KCNK2: variants seen among roughly 807,000 people sequenced by gnomAD.
KCNK2 encodes potassium channel subfamily K member 2.
A neutral mutation model predicts 40.5 loss-of-function variants in KCNK2; 21 were observed. The ratio of observed to expected loss-of-function variants is 0.52; its 90% CI spans 0.37 to 0.75. KCNK2 has a LOEUF of 0.75. KCNK2 is among the 30% of genes least tolerant of loss of function. The pLI, the probability that KCNK2 is intolerant of heterozygous loss-of-function variation, is 0.00. For missense variants in KCNK2, 399 were observed against 531.6 expected, an observed-to-expected ratio of 0.75 and a Z score of 2.45; for synonymous variants, 191 against 202.2, an observed-to-expected ratio of 0.94 and a Z score of 0.47.
chr1:215,202,988 C>T (rs1263095061), intron 6 of KCNK2, among the ~76,000 whole-genome samples: 2 of 151,954 alleles, frequency 1.3e-5, no homozygotes, highest in Non-Finnish European at 2.9e-5. Context: ...CCCATCCTCC[C>T]CCATTCTTCT....
At chr1:215,099,130 C>A (rs368320336) in intron 2 of KCNK2, among the ~76,000 whole-genome samples, 6 of 151,932 alleles carry the variant, frequency 3.9e-5, no homozygotes, top group Admixed American at 6.6e-5. Context: ...AAGCCTAGTA[C>A]CTGTTAGTTA....
At chr1:215,128,641 T>C (rs1661542163) in intron 3 of KCNK2, among the ~76,000 whole-genome samples, 1 of 152,150 alleles carries the variant, frequency 6.6e-6, no homozygotes, top group African/African-American at 2.4e-5. Flanking sequence ...GGATTTGAAC[T>C]GTGACTTGAA....
intron 3 of KCNK2, among the ~76,000 whole-genome samples, chr1:215,144,354 C>T (rs776526549): frequency 6.6e-6 from 1 of 152,110 alleles, no homozygotes; most frequent in Non-Finnish European, 1.5e-5. Context: ...AATGACCCAA[C>T]TTCAGCTGTC....
At position 215,007,315 on chromosome 1, in the gene KCNK2, AGGG is replaced by A. The variant is rs111288243; in HGVS notation, c.34+1361_34+1363del. ...AGCACTTCTGGAGCCCCCTTTGCTG[AGGG>A]TTGATGGGTTGGACAAGACACTGGC... On this transcript the variant is annotated intron_variant, in intron 1 of 6. Coordinates refer to the KCNK2 transcript ENST00000391895. Among the ~76,000 whole-genome samples the A allele has an allele frequency of 9.1e-3, 1,331 of 145,668 alleles. 18 individuals are homozygous for A. Among genetic ancestry groups the A allele is most frequent in the African/African-American group, 0.032 (1,254 of 39,002 alleles).
At chr1:215,089,167 C>A (rs576193447) in intron 2 of KCNK2, among the ~76,000 whole-genome samples, 1 of 152,142 alleles carries the variant, frequency 6.6e-6, no homozygotes, top group Non-Finnish European at 1.5e-5. Flanking sequence ...CCCATTTAAT[C>A]ATCCCTTAAA....
chr1:215,209,403 AT>A (rs1163072572), intron 6 of KCNK2, among the ~76,000 whole-genome samples: 1 of 62,278 alleles, frequency 1.6e-5, no homozygotes, highest in Non-Finnish European at 2.7e-5. Flanking sequence ...TATATATAAA[AT>A]ATGCATATAT....
rs115297653 is a variant in KCNK2 at position 215,147,462 on chromosome 1, G to A, written c.476-21737G>A. Among the ~76,000 whole-genome samples the A allele has an allele frequency of 1.9e-3, 294 of 152,286 alleles. 1 individual carries two copies. Among genetic ancestry groups the A allele is most frequent in the Middle Eastern group, 0.014 (4 of 294 alleles). On this transcript the variant is annotated intron_variant, in intron 3 of 6. Coordinates refer to ENST00000444842, the MANE Select transcript of KCNK2 (RefSeq NM_001017425.3). ...CTTGTAATTAGAATCATATTTTTCT[G>A]GAATCATATTTCTTCTTCAGTGTTT...
Position 215,086,456 on chromosome 1 carries a change from T to G in KCNK2, c.135T>G (p.Ala45=). The G allele has an allele frequency of 6.2e-7, 1 of 1,614,148 alleles. No individual in the cohort carries two copies. Among genetic ancestry groups the G allele is most frequent in the Non-Finnish European group, 8.5e-7 (1 of 1,179,998 alleles). The change falls in exon 2 of 7, where the codon GCT becomes GCG. Residue 45 remains alanine, a synonymous_variant. Coordinates refer to ENST00000444842, the MANE Select transcript of KCNK2 (RefSeq NM_001017425.3). ...TTTCCACGAAACCCACAGTGCTTGC[T>G]TCCCGGGTGGAGAGTGACACGACCA... is the stretch of plus-strand genomic sequence containing the variant. ...LSFSTKPTVL[A]SRVESDTTIN...
intron 3 of KCNK2, among the ~76,000 whole-genome samples, chr1:215,153,672 G>T (rs1244502751): frequency 6.6e-6 from 1 of 151,590 alleles, no homozygotes; most frequent in Non-Finnish European, 1.5e-5. Flanking sequence ...GAACGTGCAG[G>T]TTCGTTACAT....
intron 2 of KCNK2, among the ~76,000 whole-genome samples, chr1:215,087,825 T>C (rs1385250926): frequency 6.6e-6 from 1 of 152,178 alleles, no homozygotes; most frequent in African/African-American, 2.4e-5. Flanking sequence ...TTGCCATGGA[T>C]CTCAAGATAC....
intron 1 of KCNK2, among the ~76,000 whole-genome samples, chr1:215,065,674 T>C (rs1658514098): frequency 6.6e-6 from 1 of 152,216 alleles, no homozygotes; most frequent in Non-Finnish European, 1.5e-5. Flanking sequence ...CAAGTCTCTC[T>C]AAGTCAGTGC....
rs115931476 is a variant in KCNK2 at position 215,216,519 on chromosome 1, G to A, written c.964-18309G>A. 8.7e-3 allele frequency among the ~76,000 whole-genome samples: 1,293 copies of A among 148,600 alleles called. 17 individuals carry two copies. The highest frequency in any genetic ancestry group is 0.029 in the African/African-American group (1,203 of 40,798). On this transcript the variant is annotated intron_variant, in intron 6 of 6. Transcript: ENST00000444842. ...CTATTATATATGCTATATGTTACTT[G>A]TATGTTATATATGTTATATATCATA...
chr1:215,015,919 C>T (rs1656570730), intron 1 of KCNK2, among the ~76,000 whole-genome samples: 1 of 152,156 alleles, frequency 6.6e-6, no homozygotes, highest in South Asian at 2.1e-4. Context: ...TTGGAAACCT[C>T]TCCATTAAGT....
At chr1:215,226,670 G>A (rs12567503) in intron 6 of KCNK2, among the ~76,000 whole-genome samples, 26,219 of 152,090 alleles carry the variant, frequency 0.17, 2,376 homozygotes, top group Middle Eastern at 0.29. Context: ...AGATGATAAA[G>A]CTCAGGTTCT....
chr1:215,076,544 G>A (rs1658933498), intron 1 of KCNK2, among the ~76,000 whole-genome samples: 2 of 152,148 alleles, frequency 1.3e-5, no homozygotes, highest in East Asian at 3.9e-4. Flanking sequence ...AACCTCTCTG[G>A]AGGGTTGATT....
intron 4 of KCNK2, among the ~76,000 whole-genome samples, chr1:215,171,284 T>C (rs1042670207): frequency 2.0e-5 from 3 of 152,124 alleles, no homozygotes; most frequent in African/African-American, 7.2e-5. Context: ...AAAAAATGGG[T>C]ATTCTGATGA....
chr1:215,032,823 T>A (rs1411562033), intron 1 of KCNK2, among the ~76,000 whole-genome samples: 1 of 152,102 alleles, frequency 6.6e-6, no homozygotes, highest in African/African-American at 2.4e-5. Flanking sequence ...TTATCCTAAT[T>A]TTTTTGTAGT....
intron 2 of KCNK2, among the ~76,000 whole-genome samples, chr1:215,113,321 T>C (rs1362314009): frequency 1.3e-5 from 2 of 152,162 alleles, no homozygotes; most frequent in Non-Finnish European, 2.9e-5. Flanking sequence ...AAAGCAGTAA[T>C]ACAACTGAAC....
In KCNK2 at chr1:215,100,890, T is replaced by C. The variant is rs949330463; in HGVS notation, c.357+14212T>C. Among the ~76,000 whole-genome samples the C allele has an allele frequency of 3.3e-5, 5 of 152,192 alleles. 1 individual carries two copies. In the South Asian group the frequency reaches 8.3e-4, roughly 25 times the overall value. On this transcript the variant is annotated intron_variant, in intron 2 of 6. Coordinates refer to ENST00000444842, the MANE Select transcript of KCNK2 (RefSeq NM_001017425.3). ...AGAAAAGGATAATTGATTTGCAGTATAGTTTTGTGAACCTGAATTTGTTTG... is the reference window on the plus strand; with the variant it reads ...AGAAAAGGATAATTGATTTGCAGTACAGTTTTGTGAACCTGAATTTGTTTG...
Sources: gnomAD v4.1 joint callset for allele counts (sites outside exome capture counted in the v4.1 genomes callset) on GRCh38, gnomAD v4.1.1 for gene constraint, MANE v1.5 for transcripts, NCBI Gene and HGNC (gene_info 2026-07-23, HGNC 2026-07-21) for gene names.